BICRA: variants seen among roughly 807,000 people sequenced by gnomAD.
BICRA encodes BRD4 interacting chromatin remodeling complex associated protein.
A neutral mutation model predicts 96.9 loss-of-function variants in BICRA; 31 were observed. That is an observed-to-expected ratio of 0.32 (90% CI 0.24 to 0.43). The LOEUF is 0.43. BICRA is among the 20% of genes least tolerant of loss of function. The pLI is 1.00. For synonymous variants in BICRA, 1,350 were observed against 1,071.8 expected (o/e 1.26, Z -5.07); for missense variants, 2,283 against 2,190.3 (o/e 1.04, Z -0.84).
chr19:47,693,393 G>A (rs966046278), intron 7 of BICRA, among the ~76,000 whole-genome samples: 4 of 152,206 alleles, frequency 2.6e-5, no homozygotes, highest in African/African-American at 4.8e-5. Flanking sequence ...GCAAGCTCAC[G>A]TGGCGCCCAG....
intron 7 of BICRA, among the ~76,000 whole-genome samples, chr19:47,685,782 T>TGTGTGTGTGTGC (rs1973140439): frequency 8.0e-6 from 1 of 124,842 alleles, no homozygotes; most frequent in East Asian, 3.0e-4. Context: ...TGTGTGTGTG[T>TGTGTGTGTGTGC]GTGTGCGCGC....
chr19:47,672,217 G>A (rs1276382707), intron 2 of BICRA, among the ~76,000 whole-genome samples: 10 of 142,686 alleles, frequency 7.0e-5, no homozygotes, highest in Non-Finnish European at 1.5e-4. Flanking sequence ...TGGAGGATGG[G>A]TAAGTAGATG....
At chr19:47,665,613 G>A (rs553605114) in intron 1 of BICRA, among the ~76,000 whole-genome samples, 1 of 152,172 alleles carries the variant, frequency 6.6e-6, no homozygotes, top group Admixed American at 6.5e-5. Context: ...GGGATTACCG[G>A]TGTGCAACAC....
At chr19:47,669,109 A>T (rs942803691) in intron 1 of BICRA, among the ~76,000 whole-genome samples, 8 of 152,046 alleles carry the variant, frequency 5.3e-5, no homozygotes, top group South Asian at 2.1e-4. Flanking sequence ...CACACACAAA[A>T]AAATAAATAA....
At chr19:47,648,914 C>T (rs1040425891) in intron 1 of BICRA, among the ~76,000 whole-genome samples, 12 of 150,760 alleles carry the variant, frequency 8.0e-5, no homozygotes, top group African/African-American at 2.7e-4. Flanking sequence ...TGCAGTGGCA[C>T]GATCTTGGCT....
At chr19:47,648,548 G>A (rs1972495909) in intron 1 of BICRA, among the ~76,000 whole-genome samples, 1 of 151,794 alleles carries the variant, frequency 6.6e-6, no homozygotes, top group South Asian at 2.1e-4. Flanking sequence ...GAGGGCTTGT[G>A]ACTACAGACG....
At chr19:47,678,374 C>T (rs1972972048) in intron 5 of BICRA, among the ~76,000 whole-genome samples, 1 of 152,200 alleles carries the variant, frequency 6.6e-6, no homozygotes, top group African/African-American at 2.4e-5. Context: ...CCTCTGCCTC[C>T]CAAAGTGCTG....
At chr19:47,651,156 C>T (rs1173599258) in intron 1 of BICRA, among the ~76,000 whole-genome samples, 1 of 152,118 alleles carries the variant, frequency 6.6e-6, no homozygotes, top group Middle Eastern at 3.2e-3. Flanking sequence ...CACTCTACAG[C>T]CAGAAGGAAC....
chr19:47,681,693 G>A (rs2123589833), intron 6 of BICRA, among the ~76,000 whole-genome samples: 1 of 152,234 alleles, frequency 6.6e-6, no homozygotes, highest in African/African-American at 2.4e-5. Flanking sequence ...CAGACAAGGA[G>A]AGGAATCTCA....
Position 47,675,803 on chromosome 19 carries a change from G to A in BICRA, c.85-48G>A. 1 of 1,453,900 alleles carries A rather than the reference G, an allele frequency of 6.9e-7. No homozygotes were observed. The highest frequency in any genetic ancestry group is 9.6e-7 in the Non-Finnish European group (1 of 1,044,432). 90.1% of individuals were successfully genotyped at this position (1,453,900 alleles called of 1,614,324 possible). A position where few individuals can be genotyped will look rare whatever the true frequency, so the allele number is the denominator to read the frequency against. On this transcript the variant is annotated intron_variant, in intron 4 of 14. Transcript: ENST00000594866. The surrounding 1 kb of genome is among the most constrained non-coding windows in gnomAD (Gnocchi z 4.7). Reference sequence around the variant, plus strand: ...AATTGGTTTCTGCTCCAGAGCATGGGCCTGCCCTGCTGACTTTTGACCTTG... The same window carrying A: ...AATTGGTTTCTGCTCCAGAGCATGGACCTGCCCTGCTGACTTTTGACCTTG...
At chr19:47,624,687 G>A (rs1454287704) in intron 1 of BICRA, among the ~76,000 whole-genome samples, 2 of 150,918 alleles carry the variant, frequency 1.3e-5, no homozygotes, top group Admixed American at 6.6e-5. Flanking sequence ...CCACTGCCAC[G>A]CCCTGACTTT....
In BICRA at chr19:47,694,356, G is replaced by A. The variant is rs1973292892; in HGVS notation, c.2525G>A (p.Gly842Asp). Residue 842 changes from glycine (G) to aspartate (D), a missense_variant, in exon 8 of 15, where the codon GGC (glycine) becomes GAC (aspartate). Physicochemically the swap from Gly to Asp is moderately conservative, Grantham distance 94. Coordinates refer to ENST00000594866, the MANE Select transcript of BICRA (RefSeq NM_001394372.1). The part of the protein sequence containing the change: ...PGIFVIQNQL[G>D]VPPPASNPAP... ...ATCTTTGTCATCCAAAACCAGCTAGGCGTTCCCCCGCCTGCCAGCAACCCG... is the reference window on the plus strand; with the variant it reads ...ATCTTTGTCATCCAAAACCAGCTAGACGTTCCCCCGCCTGCCAGCAACCCG... 7.7e-7 allele frequency: 1 copy of A among 1,293,092 alleles called. No individual in the cohort carries two copies. Among genetic ancestry groups the A allele is most frequent in the East Asian group, 2.5e-5 (1 of 39,778 alleles). 80.1% of individuals were successfully genotyped at this position (1,293,092 alleles called of 1,614,324 possible). A position where few individuals can be genotyped will look rare whatever the true frequency, so the allele number is the denominator to read the frequency against.
intron 1 of BICRA, among the ~76,000 whole-genome samples, chr19:47,654,793 A>G (rs1421043923): frequency 3.6e-4 from 8 of 22,006 alleles, no homozygotes; most frequent in African/African-American, 6.4e-4. Flanking sequence ...TCTCTATGAA[A>G]AAAAAAAAAA....
At chr19:47,652,242 A>G (rs1387298076) in intron 1 of BICRA, among the ~76,000 whole-genome samples, 4 of 151,962 alleles carry the variant, frequency 2.6e-5, no homozygotes, top group African/African-American at 9.7e-5. Flanking sequence ...CTGGAGTGCA[A>G]TCGTGTGACC....
At chr19:47,685,745 G>GTGTC (rs1313195067) in intron 7 of BICRA, among the ~76,000 whole-genome samples, 8 of 101,226 alleles carry the variant, frequency 7.9e-5, no homozygotes, top group Admixed American at 5.4e-4. Flanking sequence ...CAGCCTCTGT[G>GTGTC]TGTGTGTGTG....
At chr19:47,621,911 C>A (rs1972070125) in intron 1 of BICRA, among the ~76,000 whole-genome samples, 1 of 152,168 alleles carries the variant, frequency 6.6e-6, no homozygotes, top group Non-Finnish European at 1.5e-5. Flanking sequence ...CCTGCCTTGG[C>A]TTCTCAAGTA....
chr19:47,665,580 C>A (rs988691203), intron 1 of BICRA, among the ~76,000 whole-genome samples: 5 of 152,178 alleles, frequency 3.3e-5, no homozygotes, highest in Admixed American at 3.3e-4. Context: ...AGCAATTCTC[C>A]TGCCTCAGTC....
intron 1 of BICRA, among the ~76,000 whole-genome samples, chr19:47,612,180 C>G (rs1048047613): frequency 6.6e-6 from 1 of 151,958 alleles, no homozygotes; most frequent in Non-Finnish European, 1.5e-5. Context: ...TTGGGGAGAC[C>G]GAGGCTGGAG....
At chr19:47,696,365 T>C in intron 10 of BICRA, 86 bp from the exon 11 acceptor site, 1 of 1,289,020 alleles carries the variant, frequency 7.8e-7, no homozygotes, top group Non-Finnish European at 1.1e-6. Context: ...CCCTGTCCCG[T>C]CTTTATCCTA....
Sources: gnomAD v4.1 joint callset for allele counts (sites outside exome capture counted in the v4.1 genomes callset) on GRCh38, gnomAD v4.1.1 for gene constraint, Gnocchi (gnomAD v3.1) non-coding constraint, MANE v1.5 for transcripts, NCBI Gene and HGNC (gene_info 2026-07-23, HGNC 2026-07-21) for gene names.